BCL2L13: variants seen among roughly 807,000 people sequenced by gnomAD.
The protein encoded by BCL2L13 is bcl-2-like protein 13.
Under a neutral mutation model 25.8 loss-of-function variants are expected in BCL2L13, and 13 were observed. The ratio of observed to expected loss-of-function variants is 0.50; its 90% CI spans 0.33 to 0.80. The LOEUF (loss-of-function observed/expected upper bound fraction) is 0.80, where lower values mean the gene tolerates loss of function less well. Among genes scored for constraint, BCL2L13 ranks in the 30% least tolerant of loss-of-function variants. The pLI, the probability that BCL2L13 is intolerant of heterozygous loss-of-function variation, is 0.02. For missense variants in BCL2L13, 504 were observed against 574.9 expected (o/e 0.88, Z 1.26); for synonymous variants, 244 against 230.3 (o/e 1.06, Z -0.54).
At chr22:17,697,292 G>A (rs1200759687) in intron 5 of BCL2L13, among the ~76,000 whole-genome samples, 1 of 152,108 alleles carries the variant, frequency 6.6e-6, no homozygotes, top group Non-Finnish European at 1.5e-5. Flanking sequence ...TACAAAATTA[G>A]CTGGGCATGG....
At chr22:17,645,869 G>C (rs921235922) in intron 1 of BCL2L13, among the ~76,000 whole-genome samples, 8 of 151,258 alleles carry the variant, frequency 5.3e-5, no homozygotes, top group African/African-American at 2.0e-4. Flanking sequence ...CACCAGTCTT[G>C]ATTGGAGAAT....
Position 17,685,080 on chromosome 22 carries a change from C to T in BCL2L13, c.229+1759C>T, listed in dbSNP as rs185375894. 5.5e-3 allele frequency among the ~76,000 whole-genome samples: 840 copies of T among 152,104 alleles called. 6 individuals carry two copies. The highest frequency in any genetic ancestry group is 0.018 in the African/African-American group (762 of 41,510). On this transcript the variant is annotated intron_variant, in intron 3 of 6. Coordinates refer to ENST00000317582, the MANE Select transcript of BCL2L13 (RefSeq NM_015367.4). ...ATAGAGACAAGGTTTCTCCATGTTG[C>T]TCAGGCTGGTCTTGAACTCCTGACC...
At chr22:17,652,556 A>G (rs2058723091) in intron 1 of BCL2L13, among the ~76,000 whole-genome samples, 1 of 152,024 alleles carries the variant, frequency 6.6e-6, no homozygotes, top group African/African-American at 2.4e-5. Context: ...CTCCTGTCTC[A>G]GCCTCCCAAG....
chr22:17,630,229 A>C lies in BCL2L13; in HGVS notation c.-650+1224A>C, dbSNP rs577238235. On this transcript the variant is annotated intron_variant, in intron 1 of 6. Coordinates refer to the BCL2L13 transcript ENST00000399782. ...TGAGACTCCGTCTCAAAAAAACAAA[A>C]AAAAAAAAAACAAATTCCTTTGTCC... is the stretch of plus-strand genomic sequence containing the variant. Among the ~76,000 whole-genome samples, 174 of 151,858 alleles carry C rather than the reference A, an allele frequency of 1.1e-3. 3 individuals carry two copies. The highest frequency in any genetic ancestry group is 6.8e-3 in the Middle Eastern group (2 of 292).
intron 6 of BCL2L13, among the ~76,000 whole-genome samples, chr22:17,723,563 C>A (rs1037588317): frequency 2.0e-5 from 3 of 152,166 alleles, no homozygotes; most frequent in African/African-American, 7.2e-5. Context: ...AATGACAACA[C>A]AAACAATAGC....
At chr22:17,687,089 T>C (rs1422643142) in intron 3 of BCL2L13, among the ~76,000 whole-genome samples, 1 of 152,170 alleles carries the variant, frequency 6.6e-6, no homozygotes, top group African/African-American at 2.4e-5. Context: ...ACACATACTT[T>C]ATAGTAAAAT....
chr22:17,693,381 T>TTTTTTTG (rs2060170613), intron 4 of BCL2L13, among the ~76,000 whole-genome samples: 1 of 122,332 alleles, frequency 8.2e-6, no homozygotes, highest in African/African-American at 3.3e-5. Context: ...TGTTTTTTTT[T>TTTTTTTG]TTTTTTTTTT....
chr22:17,675,254 A>C (rs966150974), intron 2 of BCL2L13, among the ~76,000 whole-genome samples: 1 of 152,172 alleles, frequency 6.6e-6, no homozygotes, highest in African/African-American at 2.4e-5. Flanking sequence ...TGCAGTAGAA[A>C]ATGTTGTCAA....
At chr22:17,666,090 T>C (rs541895959) in intron 2 of BCL2L13, among the ~76,000 whole-genome samples, 43 of 152,312 alleles carry the variant, frequency 2.8e-4, no homozygotes, top group Middle Eastern at 3.4e-3. Flanking sequence ...GCCAACAATA[T>C]GTAAGAGTTT....
chr22:17,639,360 C>T (rs1208418813), intron 1 of BCL2L13, among the ~76,000 whole-genome samples: 1 of 152,220 alleles, frequency 6.6e-6, no homozygotes, highest in African/African-American at 2.4e-5. Flanking sequence ...GTTTCTTAAC[C>T]TTAATTCACT....
At chr22:17,679,848 C>T (rs936685944) in intron 2 of BCL2L13, among the ~76,000 whole-genome samples, 1 of 152,038 alleles carries the variant, frequency 6.6e-6, no homozygotes, top group African/African-American at 2.4e-5. Flanking sequence ...TTATTACCAA[C>T]CACAGGTTCT....
intron 1 of BCL2L13, among the ~76,000 whole-genome samples, chr22:17,649,857 CT>C (rs929630451): frequency 1.5e-5 from 2 of 134,728 alleles, no homozygotes; most frequent in Non-Finnish European, 3.1e-5. Flanking sequence ...ATTCTCCCCT[CT>C]TTTTTTTCTT....
At position 17,655,650 on chromosome 22, in the gene BCL2L13, T is replaced by C; in HGVS notation, c.-50-12T>C. On this transcript the variant is annotated splice_polypyrimidine_tract_variant and intron_variant, in intron 1 of 6. Coordinates refer to ENST00000317582, the MANE Select transcript of BCL2L13 (RefSeq NM_015367.4). ...AAACTTTAAACTGAAAAAATTACTT[T>C]TTTGTTCTTAGGTTTTACACATCCA... 1 of 1,551,572 alleles carries C rather than the reference T, an allele frequency of 6.4e-7. No homozygotes were observed. The highest frequency in any genetic ancestry group is 1.2e-5 in the South Asian group (1 of 81,686).
Position 17,688,985 on chromosome 22 carries a change from G to A in BCL2L13, c.230-1G>A. 6.2e-7 allele frequency: 1 copy of A among 1,611,270 alleles called. No homozygotes were observed. Among genetic ancestry groups the A allele is most frequent in the Non-Finnish European group, 8.5e-7 (1 of 1,179,028 alleles). ...AGGTTTTTCTTTTGTCCTATCTTCA[G>A]CCTTCACCAGCACAGGCTTTGACCG... On this transcript the variant is annotated splice_acceptor_variant, in intron 3 of 6. Transcript: ENST00000317582. LOFTEE classifies it high-confidence loss of function.
At chr22:17,670,078 T>C (rs2059368026) in intron 2 of BCL2L13, among the ~76,000 whole-genome samples, 1 of 152,132 alleles carries the variant, frequency 6.6e-6, no homozygotes, top group Non-Finnish European at 1.5e-5. Flanking sequence ...ATTGACCATA[T>C]ATGTATGGAT....
chr22:17,683,930 A>G (rs1161030124), intron 3 of BCL2L13, among the ~76,000 whole-genome samples: 1 of 151,350 alleles, frequency 6.6e-6, no homozygotes, highest in Non-Finnish European at 1.5e-5. Flanking sequence ...GCTGGAGTGC[A>G]GTAGTGAGCA....
Position 17,727,439 on chromosome 22 carries a change from T to C in BCL2L13, c.1363T>C (p.Ser455Pro). The C allele has an allele frequency of 6.2e-7, 1 of 1,614,250 alleles. No individual in the cohort carries two copies. Among genetic ancestry groups the C allele is most frequent in the Non-Finnish European group, 8.5e-7 (1 of 1,180,050 alleles). ...PAGEMKPMPL[S>P]EGKSILLFGG... The stretch of plus-strand genomic sequence containing the variant: ...CGGTGAGATGAAGCCCATGCCGCTG[T>C]CTGAGGGCAAGTCTATACTGCTGTT... The change falls in exon 7 of 7, where the codon TCT becomes CCT. Residue 455 changes from serine to proline, a missense_variant. Physicochemically the swap from Ser to Pro is moderately conservative, Grantham distance 74 (BLOSUM62 -1). Transcript: ENST00000317582.
chr22:17,684,588 A>C, intron 3 of BCL2L13: 1 of 453,872 alleles, frequency 2.2e-6, no homozygotes, highest in South Asian at 1.6e-5. Flanking sequence ...TTTGAGATGC[A>C]GTTTCGCTCT....
intron 1 of BCL2L13, among the ~76,000 whole-genome samples, chr22:17,651,467 C>T (rs943325070): frequency 4.6e-5 from 7 of 151,464 alleles, no homozygotes; most frequent in Admixed American, 2.0e-4. Context: ...CTGCAAGCTC[C>T]GCCTCCCAGG....
Sources: gnomAD v4.1 joint callset for allele counts (sites outside exome capture counted in the v4.1 genomes callset) on GRCh38, gnomAD v4.1.1 for gene constraint, MANE v1.5 for transcripts, NCBI Gene and HGNC (gene_info 2026-07-23, HGNC 2026-07-21) for gene names.